The following RPS6KA6 variants were observed in gnomAD, a reference collection of about 807,000 sequenced individuals.
RPS6KA6 encodes ribosomal protein S6 kinase A6.
RPS6KA6 carries 27 observed loss-of-function variants against 65.4 expected under a neutral mutation model. That is an observed-to-expected ratio of 0.41 (90% CI 0.30 to 0.57). The LOEUF (loss-of-function observed/expected upper bound fraction) is 0.57. Among genes scored for constraint, RPS6KA6 ranks in the 20% least tolerant of loss-of-function variants. The probability of loss-of-function intolerance (pLI) is 0.24; values close to 1 mark genes in which losing one functional copy is unlikely to be tolerated. For synonymous variants in RPS6KA6, 190 were observed against 184.2 expected (o/e 1.03, Z -0.26); for missense variants, 486 against 555.6 (o/e 0.87, Z 1.26).
intron 1 of RPS6KA6, among the ~76,000 whole-genome samples, chrX:84,185,320 C>A (rs1002432320): frequency 3.6e-5 from 4 of 111,678 alleles, no homozygotes; most frequent in African/African-American, 1.3e-4. Context: ...CCTTTTCAGG[C>A]CCATTCTCTA....
intron 1 of RPS6KA6, among the ~76,000 whole-genome samples, chrX:84,180,569 T>C (rs1481698053): frequency 8.9e-6 from 1 of 111,965 alleles, no homozygotes; most frequent in Non-Finnish European, 1.9e-5. Context: ...AGTAATTCCT[T>C]ATTTTATTTT....
intron 1 of RPS6KA6, among the ~76,000 whole-genome samples, chrX:84,169,923 C>A (rs760827817): frequency 2.5e-4 from 28 of 110,935 alleles, no homozygotes; most frequent in Admixed American, 1.2e-3. Flanking sequence ...GTAATCCCAG[C>A]ACTTTGGGAA....
intron 12 of RPS6KA6, among the ~76,000 whole-genome samples, chrX:84,111,344 C>T (rs1022195059): frequency 1.8e-5 from 2 of 111,002 alleles, no homozygotes; most frequent in Non-Finnish European, 3.8e-5. Flanking sequence ...CAGAGAACAC[C>T]TAGAAGACAC....
At chrX:84,136,780 TTA>T (rs1186876417) in intron 6 of RPS6KA6, among the ~76,000 whole-genome samples, 1 of 111,400 alleles carries the variant, frequency 9.0e-6, no homozygotes, top group Non-Finnish European at 1.9e-5. Context: ...TGTACAATCA[TTA>T]TGTTATTATA....
chrX:84,104,682 T>C (rs777335194), intron 16 of RPS6KA6, 25 bp from the exon 17 acceptor site: 1 of 942,056 alleles, frequency 1.1e-6, no homozygotes, highest in Non-Finnish European at 1.4e-6. Context: ...AGTTTTAAAA[T>C]GTTATTATTT....
chrX:84,159,558 C>A (rs1430546980), intron 2 of RPS6KA6, among the ~76,000 whole-genome samples: 1 of 111,037 alleles, frequency 9.0e-6, no homozygotes, highest in Non-Finnish European at 1.9e-5. Flanking sequence ...AAGCACATAT[C>A]CTATTATCAG....
At chrX:84,142,358 TA>T (rs1426115024) in intron 6 of RPS6KA6, among the ~76,000 whole-genome samples, 1 of 110,914 alleles carries the variant, frequency 9.0e-6, no homozygotes, top group African/African-American at 3.3e-5. Flanking sequence ...GAGATGACCC[TA>T]AAGCAGTATT....
chrX:84,181,826 G>A (rs1420916456), intron 1 of RPS6KA6, among the ~76,000 whole-genome samples: 1 of 110,608 alleles, frequency 9.0e-6, no homozygotes, highest in Non-Finnish European at 1.9e-5. Context: ...ACATGTCATA[G>A]ACCCTTACAG....
chrX:84,117,537 T>G, intron 9 of RPS6KA6, 83 bp from the exon 10 acceptor site: 2 of 532,573 alleles, frequency 3.8e-6, no homozygotes, highest in South Asian at 1.1e-4. Flanking sequence ...AACTGAGACT[T>G]CTATATAATC....
chrX:84,097,882 C>A lies in RPS6KA6; in HGVS notation c.1777-34G>T, dbSNP rs189691004. The A allele has an allele frequency of 3.4e-3, 3,313 of 968,206 alleles. 35 individuals carry two copies. The African/African-American group carries it at 0.035, about 10-fold the overall frequency. 79.8% of individuals were successfully genotyped at this position (968,206 alleles called of 1,213,427 possible). A position where few individuals can be genotyped will look rare whatever the true frequency, so the allele number is the denominator to read the frequency against. Reference sequence around the variant, plus strand: ...GAAATACTCATTATATGGTGTTACTCAATATAAACTCAATTTTCTCCCAAA... The same window carrying A: ...GAAATACTCATTATATGGTGTTACTAAATATAAACTCAATTTTCTCCCAAA... On this transcript the variant is annotated intron_variant, in intron 18 of 21. Coordinates refer to ENST00000262752, the MANE Select transcript of RPS6KA6 (RefSeq NM_014496.5).
At position 84,060,551 on chromosome X, in the gene RPS6KA6, T is replaced by A. The variant is rs1225495381; in HGVS notation, c.*3726A>T. 1 of 110,020 alleles carries A rather than the reference T, an allele frequency of 9.1e-6. No individual in the cohort carries two copies. The highest frequency in any genetic ancestry group is 1.9e-5 in the Non-Finnish European group (1 of 52,691). 9.1% of individuals were successfully genotyped at this position (110,020 alleles called of 1,213,427 possible). On this transcript the variant is annotated 3_prime_UTR_variant, in exon 22 of 22. Coordinates refer to ENST00000262752, the MANE Select transcript of RPS6KA6 (RefSeq NM_014496.5). The stretch of plus-strand genomic sequence containing the variant: ...AGAAACAAGAATACAAAACTATGGG[T>A]TTAAAAACAACATATACAGAAATAA...
At chrX:84,162,235 A>C (rs1354367035) in intron 2 of RPS6KA6, among the ~76,000 whole-genome samples, 1 of 111,353 alleles carries the variant, frequency 9.0e-6, no homozygotes, top group Non-Finnish European at 1.9e-5. Context: ...ACAGTAAAAA[A>C]AAAAGCCAAC....
intron 8 of RPS6KA6, among the ~76,000 whole-genome samples, chrX:84,129,883 T>C (rs988022523): frequency 9.0e-6 from 1 of 110,960 alleles, no homozygotes. Context: ...GAGGGATGGA[T>C]AATGGGTGCA....
chrX:84,179,313 C>T (rs1039602956), intron 1 of RPS6KA6, among the ~76,000 whole-genome samples: 2 of 111,214 alleles, frequency 1.8e-5, no homozygotes, highest in Non-Finnish European at 3.8e-5. Context: ...CACGCAGCAA[C>T]CTCACTCCTA....
chrX:84,168,717 T>C (rs1443322744), intron 1 of RPS6KA6, among the ~76,000 whole-genome samples: 1 of 112,142 alleles, frequency 8.9e-6, no homozygotes, highest in African/African-American at 3.2e-5. Context: ...TTACCTTAGT[T>C]ACTGGTTACT....
In RPS6KA6 at chrX:84,164,398, T is replaced by C; in HGVS notation, c.82-11A>G. ...TTTAAGACCATTTACCTGAAAAACA[T>C]TGTTCAAAAATTGAGGTTCAAAAGT... On this transcript the variant is annotated splice_polypyrimidine_tract_variant and intron_variant, in intron 1 of 21. Coordinates refer to ENST00000262752, the MANE Select transcript of RPS6KA6 (RefSeq NM_014496.5). 1.7e-6 allele frequency: 2 copies of C among 1,168,456 alleles called. No individual in the cohort carries two copies. Among genetic ancestry groups the C allele is most frequent in the South Asian group, 1.8e-5 (1 of 54,144 alleles).
intron 20 of RPS6KA6, among the ~76,000 whole-genome samples, chrX:84,078,510 T>C (rs920465736): frequency 6.3e-5 from 7 of 111,739 alleles, no homozygotes; most frequent in African/African-American, 1.9e-4. Flanking sequence ...AGCAGCTTTA[T>C]TGGTTAACAA....
intron 2 of RPS6KA6, among the ~76,000 whole-genome samples, chrX:84,161,214 T>A (rs1316373734): frequency 1.8e-5 from 2 of 111,234 alleles, no homozygotes; most frequent in Admixed American, 9.6e-5. Context: ...TTACAGTGAG[T>A]TTATCCAAAC....
intron 3 of RPS6KA6, among the ~76,000 whole-genome samples, chrX:84,153,326 T>A (rs1329319595): frequency 1.8e-5 from 2 of 111,700 alleles, no homozygotes; most frequent in Non-Finnish European, 3.8e-5. Flanking sequence ...ACATGATATA[T>A]AAGGACGACT....
Sources: allele counts gnomAD v4.1 joint callset (sites outside exome capture counted in the v4.1 genomes callset), GRCh38; gene constraint gnomAD v4.1.1; transcripts MANE v1.5; gene names NCBI Gene and HGNC (gene_info 2026-07-23, HGNC 2026-07-21).